TCF20: variants seen among roughly 807,000 people sequenced by gnomAD.
TCF20 encodes transcription factor 20, also known as SPRE-binding protein.
A neutral mutation model predicts 148.6 loss-of-function variants in TCF20; 3 were observed. The ratio of observed to expected loss-of-function variants is 0.02; its 90% CI spans 0.01 to 0.05. The LOEUF is 0.05. Ranked by LOEUF, TCF20 falls within the 10% of genes least tolerant of loss-of-function variation. The pLI, the probability that TCF20 is intolerant of heterozygous loss-of-function variation, is 1.00. For missense variants in TCF20, 2,350 were observed against 2,429.3 expected, an observed-to-expected ratio of 0.97 and a Z score of 0.69; for synonymous variants, 1,049 against 909.5, an observed-to-expected ratio of 1.15 and a Z score of -2.76.
intron 2 of TCF20, among the ~76,000 whole-genome samples, chr22:42,195,363 A>AT (rs925821566): frequency 2.6e-5 from 4 of 151,692 alleles, no homozygotes; most frequent in African/African-American, 7.3e-5. Flanking sequence ...ATCTCTCATC[A>AT]TTTTTTTCCC....
chr22:42,309,777 C>T lies in TCF20; in HGVS notation c.-37+33702G>A, dbSNP rs1055299055. The stretch of plus-strand genomic sequence containing the variant: ...TTTCATGTCAGCTGCCAGTCGTCAC[C>T]TCTCTGAGCCTTGCTGTCCTCGTCT... On this transcript the variant is annotated intron_variant, in intron 1 of 1. Transcript: ENST00000515426. 2.6e-5 allele frequency among the ~76,000 whole-genome samples: 4 copies of T among 152,240 alleles called. No individual in the cohort carries two copies. The South Asian group carries it at 8.3e-4, about 31-fold the overall frequency.
At chr22:42,228,730 G>A (rs1160799199) in intron 1 of TCF20, among the ~76,000 whole-genome samples, 1 of 152,230 alleles carries the variant, frequency 6.6e-6, no homozygotes, top group Non-Finnish European at 1.5e-5. Flanking sequence ...CCAAGGAAAG[G>A]TGGAGTAGAG....
At chr22:42,264,866 A>G (rs1926200212) in intron 1 of TCF20, among the ~76,000 whole-genome samples, 1 of 152,266 alleles carries the variant, frequency 6.6e-6, no homozygotes, top group South Asian at 2.1e-4. Flanking sequence ...ACACACATGC[A>G]CGCGGACCTT....
chr22:42,192,291 C>A (rs1937373278), intron 2 of TCF20, among the ~76,000 whole-genome samples: 1 of 152,216 alleles, frequency 6.6e-6, no homozygotes. Context: ...GATTTCAAAT[C>A]TGTGAAGATC....
rs1920943660 is a variant in TCF20 at position 42,210,921 on chromosome 22, C to A, written c.4385G>T (p.Gly1462Val). ...CTGTGAGGTTGTGGATGTCATGGCA[C>A]CAGGGGGTTCCTTTCCGGCAGTAAC... ...ETVTAGKEPP[G>V]AMTSTTSQKP... Residue 1462 changes from glycine to valine, a missense_variant, in exon 2 of 6, where the codon GGT becomes GTT. By Grantham distance (109) the Gly-to-Val change is moderately radical. Transcript: ENST00000677622. The surrounding 1 kb of genome is among the most constrained non-coding windows in gnomAD (Gnocchi z 4.7). The A allele has an allele frequency of 1.2e-6, 2 of 1,614,026 alleles. No individual in the cohort carries two copies. The highest frequency in any genetic ancestry group is 1.7e-6 in the Non-Finnish European group (2 of 1,180,040).
At chr22:42,245,219 C>G (rs952349338) in intron 1 of TCF20, among the ~76,000 whole-genome samples, 3 of 152,142 alleles carry the variant, frequency 2.0e-5, no homozygotes, top group Admixed American at 2.0e-4. Context: ...CTCTTTGTAG[C>G]TGGGACTACA....
At chr22:42,240,714 G>A (rs555386969) in intron 1 of TCF20, among the ~76,000 whole-genome samples, 26 of 152,236 alleles carry the variant, frequency 1.7e-4, no homozygotes, top group Non-Finnish European at 2.6e-4. Flanking sequence ...ACTCAGTAAC[G>A]CGCTCCTCAC....
rs1309647184 is a variant in TCF20, at chr22:42,213,548, A to G, written c.1758T>C (p.Ala586=). ...CGTCGGATGACAATGGCATGTCCTT[A>G]GCGCCTGGTGAGGTGGCCTCTTCTC... ...AAREEATSPG[A]KDMPLSSDGN... is the part of the protein sequence containing the mutation. Residue 586 remains alanine, a synonymous_variant, in exon 2 of 6, where the codon GCT becomes GCC. Transcript: ENST00000677622. 3.1e-6 allele frequency: 5 copies of G among 1,614,036 alleles called. No homozygotes were observed. The highest frequency in any genetic ancestry group is 1.1e-5 in the South Asian group (1 of 91,084).
chr22:42,215,005 T>C lies in TCF20; in HGVS notation c.301A>G (p.Thr101Ala), dbSNP rs550506999. 1 of 1,614,222 alleles carries C rather than the reference T, an allele frequency of 6.2e-7. No individual in the cohort carries two copies. The highest frequency in any genetic ancestry group is 1.3e-5 in the African/African-American group (1 of 75,048). Residue 101 changes from threonine to alanine, a missense_variant, in exon 2 of 6, where the codon ACA (threonine) becomes GCA (alanine). Coordinates refer to ENST00000677622, the MANE Select transcript of TCF20 (RefSeq NM_001378418.1). ...CGCTGAGGAGGCTGTGGGGTTCCTGTAGTCACGGGGTCTTTGTTGCCTGCC... is the reference window on the plus strand; with the variant it reads ...CGCTGAGGAGGCTGTGGGGTTCCTGCAGTCACGGGGTCTTTGTTGCCTGCC... ...YMAGNKDPVT[T>A]GTPQPPQRRP...
In TCF20 at chr22:42,292,266, A is replaced by G. The variant is rs1259536458; in HGVS notation, c.-37+51213T>C. 6.6e-6 allele frequency among the ~76,000 whole-genome samples: 1 copy of G among 152,138 alleles called. No individual in the cohort carries two copies. The highest frequency in any genetic ancestry group is 1.5e-5 in the Non-Finnish European group (1 of 68,026). On this transcript the variant is annotated intron_variant, in intron 1 of 1. Transcript: ENST00000515426. The surrounding 1 kb of genome is among the most constrained non-coding windows in gnomAD (Gnocchi z 4.9). Reference sequence around the variant, plus strand: ...CCACGGCGGTAGTAGGCAATACCTTACAGTTCCCAGGGTTGGGCCTGCGTG... The same window carrying G: ...CCACGGCGGTAGTAGGCAATACCTTGCAGTTCCCAGGGTTGGGCCTGCGTG...
At position 42,323,032 on chromosome 22, in the gene TCF20, G is replaced by A. The variant is rs1053799332; in HGVS notation, c.-37+20447C>T. On this transcript the variant is annotated intron_variant, in intron 1 of 1. Transcript: ENST00000515426. ...AGTGATTCTCCTGCCTCAGCCTCCC[G>A]AGTAGCTTGGGTTATAGGCACCTGC... Among the ~76,000 whole-genome samples, 8 of 151,544 alleles carry A rather than the reference G, an allele frequency of 5.3e-5. No individual in the cohort carries two copies. The South Asian group carries it at 6.2e-4, about 12-fold the overall frequency.
chr22:42,197,016 A>T (rs1937626523), intron 2 of TCF20, among the ~76,000 whole-genome samples: 1 of 152,246 alleles, frequency 6.6e-6, no homozygotes, highest in Non-Finnish European at 1.5e-5. Context: ...AAGTGCATAC[A>T]ACCAAAATCA....
intron 2 of TCF20, among the ~76,000 whole-genome samples, chr22:42,192,380 A>G (rs1409914819): frequency 6.6e-6 from 1 of 151,982 alleles, no homozygotes; most frequent in East Asian, 1.9e-4. Flanking sequence ...CTTTCTTCCT[A>G]CTTGCATTCA....
At chr22:42,231,590 A>G (rs1371741748) in intron 1 of TCF20, among the ~76,000 whole-genome samples, 2 of 152,358 alleles carry the variant, frequency 1.3e-5, no homozygotes, top group African/African-American at 2.4e-5. Flanking sequence ...TGTTATTACA[A>G]GAGTCAAAAG....
chr22:42,164,754 A>G (rs1935678382), intron 5 of TCF20, among the ~76,000 whole-genome samples: 1 of 152,230 alleles, frequency 6.6e-6, no homozygotes, highest in East Asian at 1.9e-4. Flanking sequence ...AGAAAGGGAA[A>G]GGCTTCTCTG....
chr22:42,236,493 C>T (rs1214607795), intron 1 of TCF20, among the ~76,000 whole-genome samples: 1 of 152,104 alleles, frequency 6.6e-6, no homozygotes, highest in Non-Finnish European at 1.5e-5. Context: ...GGACCAATCC[C>T]CACCCTCCCC....
intron 3 of TCF20, 24 bp downstream of exon 3, chr22:42,179,585 C>A (rs772078335): frequency 6.4e-7 from 1 of 1,555,424 alleles, no homozygotes; most frequent in South Asian, 1.1e-5. Flanking sequence ...ATGCTCTGGA[C>A]AAGGGTCTGT....
chr22:42,172,519 C>T (rs7285347), intron 3 of TCF20, among the ~76,000 whole-genome samples: 17 of 152,330 alleles, frequency 1.1e-4, no homozygotes, highest in African/African-American at 4.1e-4. Flanking sequence ...AAAAGACCTA[C>T]AAGGTGGCCT....
At chr22:42,249,105 C>G (rs1032093103) in intron 1 of TCF20, among the ~76,000 whole-genome samples, 8 of 152,180 alleles carry the variant, frequency 5.3e-5, no homozygotes, top group Non-Finnish European at 8.8e-5. Context: ...TCTTCTGCTG[C>G]CTTGGACATC....
Sources: gnomAD v4.1 joint callset for allele counts (sites outside exome capture counted in the v4.1 genomes callset) on GRCh38, gnomAD v4.1.1 for gene constraint, Gnocchi (gnomAD v3.1) non-coding constraint, MANE v1.5 for transcripts, NCBI Gene and HGNC (gene_info 2026-07-23, HGNC 2026-07-21) for gene names.